TPD52: variants seen among roughly 807,000 people sequenced by gnomAD.
TPD52 encodes the protein prostate and colon associated protein.
TPD52 carries 17 observed loss-of-function variants against 31.3 expected under a neutral mutation model. That is an observed-to-expected ratio of 0.54 (90% CI 0.37 to 0.82). TPD52 has a LOEUF of 0.82. TPD52 is among the 40% of genes least tolerant of loss of function. The pLI is 0.00. For synonymous variants in TPD52, 83 were observed against 89.6 expected, an observed-to-expected ratio of 0.93 and a Z score of 0.42; for missense variants, 212 against 240.1, an observed-to-expected ratio of 0.88 and a Z score of 0.77.
At chr8:80,138,478 T>C (rs1458525032) in intron 1 of TPD52, among the ~76,000 whole-genome samples, 1 of 152,180 alleles carries the variant, frequency 6.6e-6, no homozygotes, top group East Asian at 1.9e-4. Flanking sequence ...CAATTATAAA[T>C]CTGGGAAGAG....
intron 1 of TPD52, among the ~76,000 whole-genome samples, chr8:80,089,600 T>C (rs991849507): frequency 6.6e-6 from 1 of 152,066 alleles, no homozygotes; most frequent in Non-Finnish European, 1.5e-5. Flanking sequence ...GTGGAAAAAT[T>C]AGTGAACACC....
At chr8:80,057,237 C>T (rs527439422) in intron 2 of TPD52, among the ~76,000 whole-genome samples, 21 of 152,224 alleles carry the variant, frequency 1.4e-4, no homozygotes, top group Admixed American at 5.2e-4. Flanking sequence ...TTGCTTACAG[C>T]GGCATTATTC....
chr8:80,069,052 TTAGATTATGG>T (rs1563593726), intron 1 of TPD52, among the ~76,000 whole-genome samples: 2 of 152,148 alleles, frequency 1.3e-5, no homozygotes, highest in African/African-American at 4.8e-5. Context: ...TTCAAATAAG[TTAGATTATGG>T]GTGTGAAGAC....
At chr8:80,079,524 A>C (rs1427449845) in intron 1 of TPD52, among the ~76,000 whole-genome samples, 1 of 152,166 alleles carries the variant, frequency 6.6e-6, no homozygotes, top group Non-Finnish European at 1.5e-5. Context: ...CCATTTTTTC[A>C]GCTTAAAATG....
At chr8:80,120,264 T>C (rs1264778484) in intron 1 of TPD52, among the ~76,000 whole-genome samples, 5 of 152,038 alleles carry the variant, frequency 3.3e-5, no homozygotes, top group Non-Finnish European at 7.4e-5. Context: ...CCGAGGCAGG[T>C]GGATCACCTG....
chr8:80,074,926 A>T (rs1257973939), intron 1 of TPD52, among the ~76,000 whole-genome samples: 3 of 152,170 alleles, frequency 2.0e-5, no homozygotes, highest in Non-Finnish European at 4.4e-5. Context: ...CACTCCATTT[A>T]AGGGAAGACC....
At chr8:80,076,958 C>A (rs561698388) in intron 1 of TPD52, among the ~76,000 whole-genome samples, 3 of 152,146 alleles carry the variant, frequency 2.0e-5, no homozygotes, top group East Asian at 2.0e-4. Context: ...TGATCCACTG[C>A]GCCCAGCCAA....
chr8:80,145,815 G>A (rs1810153748), intron 1 of TPD52, among the ~76,000 whole-genome samples: 1 of 152,192 alleles, frequency 6.6e-6, no homozygotes, highest in Admixed American at 6.5e-5. Context: ...CAGTGTTCCT[G>A]AAACTAAATT....
At chr8:80,126,615 G>A (rs989928257) in intron 1 of TPD52, among the ~76,000 whole-genome samples, 5 of 151,264 alleles carry the variant, frequency 3.3e-5, no homozygotes. Context: ...CCAAGTAGCT[G>A]AGACTACAAG....
At chr8:80,152,172 A>G (rs1810613408) in intron 1 of TPD52, among the ~76,000 whole-genome samples, 1 of 107,078 alleles carries the variant, frequency 9.3e-6, no homozygotes. Context: ...CCTGCCTTTC[A>G]TGCCCCCCCG....
At chr8:80,056,162 A>G (rs1437152378) in intron 2 of TPD52, among the ~76,000 whole-genome samples, 3 of 152,260 alleles carry the variant, frequency 2.0e-5, no homozygotes, top group African/African-American at 7.2e-5. Flanking sequence ...AATGTGGTAT[A>G]CACAATGGAA....
At chr8:80,115,334 A>G (rs923612961) in intron 1 of TPD52, among the ~76,000 whole-genome samples, 1 of 152,184 alleles carries the variant, frequency 6.6e-6, no homozygotes, top group South Asian at 2.1e-4. Flanking sequence ...TCTGAACAGG[A>G]GTCTAAAATG....
At chr8:80,126,822 T>A (rs1211188974) in intron 1 of TPD52, among the ~76,000 whole-genome samples, 1 of 152,176 alleles carries the variant, frequency 6.6e-6, no homozygotes, top group African/African-American at 2.4e-5. Context: ...TTACAACAGT[T>A]TCATTTACAA....
At chr8:80,064,907 CTT>C (rs929855710) in intron 1 of TPD52, 6 of 503,804 alleles carry the variant, frequency 1.2e-5, no homozygotes, top group African/African-American at 1.2e-4. Context: ...CTTGCTGAGA[CTT>C]TAAATTGCTG....
intron 1 of TPD52, among the ~76,000 whole-genome samples, chr8:80,079,969 C>T (rs1195138663): frequency 2.0e-5 from 3 of 152,118 alleles, no homozygotes; most frequent in East Asian, 1.9e-4. Context: ...GGAAAGTTGT[C>T]GTAAATTACC....
At chr8:80,129,763 G>A (rs59931775) in intron 1 of TPD52, among the ~76,000 whole-genome samples, 4 of 147,494 alleles carry the variant, frequency 2.7e-5, no homozygotes, top group African/African-American at 5.0e-5. Context: ...GCAGTGGCGC[G>A]ATCTCAGCTC....
At chr8:80,154,184 A>G (rs541983555) in intron 1 of TPD52, among the ~76,000 whole-genome samples, 2 of 152,232 alleles carry the variant, frequency 1.3e-5, no homozygotes, top group Non-Finnish European at 2.9e-5. Context: ...ATCAAAAGCT[A>G]AAGGGTGACT....
intron 6 of TPD52, among the ~76,000 whole-genome samples, chr8:80,043,537 G>A (rs903094978): frequency 1.3e-5 from 2 of 152,158 alleles, no homozygotes; most frequent in Admixed American, 6.5e-5. Flanking sequence ...CAGCTATCAG[G>A]AAGTCATAAG....
At chr8:80,076,496 C>A (rs114451229) in intron 1 of TPD52, among the ~76,000 whole-genome samples, 28,756 of 151,602 alleles carry the variant, frequency 0.19, 2,930 homozygotes, top group South Asian at 0.3. Context: ...GACACTGGGG[C>A]CTACCAGAGG....
Sources: gnomAD v4.1 joint callset for allele counts (sites outside exome capture counted in the v4.1 genomes callset) on GRCh38, gnomAD v4.1.1 for gene constraint, MANE v1.5 for transcripts, NCBI Gene and HGNC (gene_info 2026-07-23, HGNC 2026-07-21) for gene names.